The following RBFOX1 variants were observed in gnomAD, a reference collection of about 807,000 sequenced individuals.
The protein encoded by RBFOX1 is RNA binding fox-1 homolog 1, also known as RNA binding protein fox-1 homolog 1.
A neutral mutation model predicts 57.7 loss-of-function variants in RBFOX1; 8 were observed. The ratio of observed to expected loss-of-function variants is 0.14; its 90% CI spans 0.08 to 0.25. The LOEUF is 0.25. Ranked by LOEUF, RBFOX1 falls within the 10% of genes least tolerant of loss-of-function variation. The pLI, the probability that RBFOX1 is intolerant of heterozygous loss-of-function variation, is 1.00. For synonymous variants in RBFOX1, 326 were observed against 222.4 expected (o/e 1.47, Z -4.15); for missense variants, 611 against 548.5 (o/e 1.11, Z -1.14).
intron 4 of RBFOX1, among the ~76,000 whole-genome samples, chr16:7,244,288 A>AGTAG (rs2152986371): frequency 6.8e-6 from 1 of 146,942 alleles, no homozygotes; most frequent in East Asian, 2.0e-4. Context: ...TGGGCTTTTC[A>AGTAG]TTAACTACAC....
intron 1 of RBFOX1, among the ~76,000 whole-genome samples, chr16:6,020,300 G>C (rs2095044068): frequency 6.6e-6 from 1 of 152,082 alleles, no homozygotes; most frequent in African/African-American, 2.4e-5. Flanking sequence ...GCGAGTCCTA[G>C]GTGCCAGGAG....
intron 4 of RBFOX1, among the ~76,000 whole-genome samples, chr16:7,096,406 G>A (rs2061701350): frequency 6.6e-6 from 1 of 152,166 alleles, no homozygotes; most frequent in African/African-American, 2.4e-5. Flanking sequence ...CCAGCAGGAT[G>A]TCTGAGGCAA....
At chr16:6,591,664 G>A (rs1321375611) in intron 2 of RBFOX1, among the ~76,000 whole-genome samples, 3 of 152,146 alleles carry the variant, frequency 2.0e-5, no homozygotes, top group East Asian at 1.9e-4. Flanking sequence ...GTTGTGACAC[G>A]GGGCAACTCT....
chr16:5,927,343 T>G (rs989944890), intron 4 of RBFOX1, among the ~76,000 whole-genome samples: 2 of 152,212 alleles, frequency 1.3e-5, no homozygotes, highest in Non-Finnish European at 2.9e-5. Flanking sequence ...GCAAGAAAAT[T>G]GAATATGAAA....
chr16:7,153,337 C>G (rs1050259214), intron 4 of RBFOX1, among the ~76,000 whole-genome samples: 1 of 152,090 alleles, frequency 6.6e-6, no homozygotes, highest in Non-Finnish European at 1.5e-5. Context: ...ATCTGATTTA[C>G]TCTGTGGCCA....
intron 3 of RBFOX1, among the ~76,000 whole-genome samples, chr16:6,999,528 T>C (rs1596495425): frequency 6.6e-6 from 1 of 152,008 alleles, no homozygotes; most frequent in East Asian, 1.9e-4. Context: ...TGTTTTATTA[T>C]GAAAAATTTC....
At chr16:6,228,473 T>A (rs1217341491) in intron 1 of RBFOX1, among the ~76,000 whole-genome samples, 1 of 151,698 alleles carries the variant, frequency 6.6e-6, no homozygotes, top group African/African-American at 2.4e-5. Flanking sequence ...TGAAATACAA[T>A]TCAGCCTTCA....
Position 7,704,664 on chromosome 16 carries a change from A to AGT in RBFOX1, c.996-4391_996-4390insTG, listed in dbSNP as rs2081869497. On this transcript the variant is annotated intron_variant, in intron 14 of 15. Coordinates refer to ENST00000550418, the MANE Select transcript of RBFOX1 (RefSeq NM_018723.4). Reference sequence around the variant, plus strand: ...GGAGTTCTCGTTCCAGGAGGGTGAAAGGTAAATGATCAGGTGGAGTGGGAA... The same window carrying AGT: ...GGAGTTCTCGTTCCAGGAGGGTGAAAGTGGTAAATGATCAGGTGGAGTGGGAA... Among the ~76,000 whole-genome samples, 14 of 152,274 alleles carry AGT rather than the reference A, an allele frequency of 9.2e-5. No homozygotes were observed. In the South Asian group the frequency reaches 2.9e-3, roughly 32 times the overall value.
Position 6,663,796 on chromosome 16 carries a change from T to A in RBFOX1, c.-16+9146T>A, listed in dbSNP as rs139267217. On this transcript the variant is annotated intron_variant, in intron 3 of 15. Coordinates refer to ENST00000550418, the MANE Select transcript of RBFOX1 (RefSeq NM_018723.4). ...CTGAGAAAGGGTATTTAAGTTTGAG[T>A]CTGAAGGGAGATGGGGTGGAGAGCA... Among the ~76,000 whole-genome samples, 416 of 152,208 alleles carry A rather than the reference T, an allele frequency of 2.7e-3. 25 individuals are homozygous for A. The East Asian group carries it at 0.069, about 25-fold the overall frequency.
chr16:5,949,559 G>A (rs970299757), intron 4 of RBFOX1, among the ~76,000 whole-genome samples: 1 of 149,282 alleles, frequency 6.7e-6, no homozygotes, highest in Non-Finnish European at 1.5e-5. Flanking sequence ...AAGAATACAG[G>A]ATCCAATTAA....
At chr16:5,969,806 A>AT (rs549536987) in intron 4 of RBFOX1, among the ~76,000 whole-genome samples, 11 of 149,312 alleles carry the variant, frequency 7.4e-5, no homozygotes, top group Admixed American at 1.3e-4. Flanking sequence ...ACTTTGTTTC[A>AT]TTTTTTTTTC....
chr16:6,718,248 G>A (rs2065229438), intron 3 of RBFOX1, among the ~76,000 whole-genome samples: 2 of 152,240 alleles, frequency 1.3e-5, no homozygotes. Flanking sequence ...TTTTCCATAT[G>A]GTAGGTATGT....
intron 4 of RBFOX1, among the ~76,000 whole-genome samples, chr16:7,384,881 T>C: frequency 6.6e-6 from 1 of 152,162 alleles, no homozygotes; most frequent in East Asian, 1.9e-4. Context: ...ACTGTGTAAA[T>C]TAATATATGG....
In RBFOX1 at chr16:7,558,399, C is replaced by G. The variant is rs141603852; in HGVS notation, c.271-21378C>G. ...ATATACACGCGCACACACTCACACA[C>G]ATATATATTTATGCTATATATGTAT... is the stretch of plus-strand genomic sequence containing the variant. On this transcript the variant is annotated intron_variant, in intron 5 of 15. Transcript: ENST00000550418. Among the ~76,000 whole-genome samples the G allele has an allele frequency of 4.6e-3, 698 of 151,934 alleles. 4 individuals are homozygous for G. The highest frequency in any genetic ancestry group is 0.016 in the African/African-American group (668 of 41,404).
chr16:6,781,841 T>G (rs1282725834), intron 3 of RBFOX1, among the ~76,000 whole-genome samples: 5 of 152,188 alleles, frequency 3.3e-5, no homozygotes, highest in Non-Finnish European at 5.9e-5. Flanking sequence ...TTTGTTGATT[T>G]CGTTTTTATT....
intron 4 of RBFOX1, among the ~76,000 whole-genome samples, chr16:7,495,477 A>G (rs893724215): frequency 6.6e-6 from 1 of 152,198 alleles, no homozygotes; most frequent in East Asian, 1.9e-4. Context: ...CCTCACCAGC[A>G]TCTATTGTTT....
At chr16:5,735,790 C>T (rs1427317590) in intron 3 of RBFOX1, among the ~76,000 whole-genome samples, 4 of 152,034 alleles carry the variant, frequency 2.6e-5, no homozygotes, top group African/African-American at 4.8e-5. Context: ...GCAGGAGAAT[C>T]GCTTGAACTC....
chr16:5,428,321 A>G (rs943733653), intron 1 of RBFOX1, among the ~76,000 whole-genome samples: 3 of 152,212 alleles, frequency 2.0e-5, no homozygotes, highest in Non-Finnish European at 4.4e-5. Context: ...CACAGTTCCT[A>G]TCACACAATG....
chr16:7,604,327 G>A (rs553949547), intron 9 of RBFOX1, among the ~76,000 whole-genome samples: 1 of 152,256 alleles, frequency 6.6e-6, no homozygotes, highest in East Asian at 1.9e-4. Flanking sequence ...AGGATGGGAA[G>A]AAGGTTGACA....
Sources: gnomAD v4.1 joint callset for allele counts (sites outside exome capture counted in the v4.1 genomes callset) on GRCh38, gnomAD v4.1.1 for gene constraint, MANE v1.5 for transcripts, NCBI Gene and HGNC (gene_info 2026-07-23, HGNC 2026-07-21) for gene names.